THEMIS: variants seen among roughly 807,000 people sequenced by gnomAD.
THEMIS encodes protein THEMIS.
A neutral mutation model predicts 52.6 loss-of-function variants in THEMIS; 37 were observed. The observed-to-expected ratio is 0.70, with a 90% CI of 0.54 to 0.93. The LOEUF is 0.93. Ranked by LOEUF, THEMIS falls within the 40% of genes least tolerant of loss-of-function variation. The pLI, the probability that THEMIS is intolerant of heterozygous loss-of-function variation, is 0.00. For missense variants in THEMIS, 808 were observed against 763.1 expected, an observed-to-expected ratio of 1.06 and a Z score of -0.69; for synonymous variants, 292 against 272.7, an observed-to-expected ratio of 1.07 and a Z score of -0.70.
chr6:127,703,035 G>GT, the THEMIS span, among the ~76,000 whole-genome samples: 2,628 of 82,280 alleles, frequency 0.032, 712 homozygotes, highest in African/African-American at 0.058. Flanking sequence ...TTTAGAATGA[G>GT]TTTTTTTTTT....
chr6:127,744,608 C>A (rs1237714390), intron 4 of THEMIS, among the ~76,000 whole-genome samples: 1 of 151,934 alleles, frequency 6.6e-6, no homozygotes, highest in Non-Finnish European at 1.5e-5. Context: ...ATTCCACTTA[C>A]ATGAGGTATC....
intron 3 of THEMIS, among the ~76,000 whole-genome samples, chr6:127,817,620 G>C (rs756109154): frequency 1.3e-5 from 2 of 152,152 alleles, no homozygotes; most frequent in Non-Finnish European, 2.9e-5. Flanking sequence ...AGCAGATGCA[G>C]TGAAAATCAA....
At chr6:127,886,496 G>C (rs1780648146) in intron 1 of THEMIS, among the ~76,000 whole-genome samples, 1 of 152,118 alleles carries the variant, frequency 6.6e-6, no homozygotes, top group Non-Finnish European at 1.5e-5. Context: ...ATACCAGAAA[G>C]TTTATGCTAA....
intron 1 of THEMIS, among the ~76,000 whole-genome samples, chr6:127,917,093 C>G (rs978781409): frequency 3.9e-5 from 6 of 152,134 alleles, no homozygotes; most frequent in African/African-American, 1.2e-4. Context: ...ACCAAAAAAG[C>G]TTTTAAGAGT....
intron 4 of THEMIS, among the ~76,000 whole-genome samples, chr6:127,753,880 A>G (rs1405931683): frequency 3.3e-5 from 5 of 151,978 alleles, no homozygotes; most frequent in Admixed American, 1.3e-4. Flanking sequence ...AATTTCTAAG[A>G]GGATAGATCT....
chr6:127,891,660 C>G (rs1458689510), intron 1 of THEMIS, among the ~76,000 whole-genome samples: 2 of 152,032 alleles, frequency 1.3e-5, no homozygotes, highest in Non-Finnish European at 2.9e-5. Flanking sequence ...CAACTCTCCT[C>G]TAGATTATTG....
At chr6:127,908,807 T>C (rs1781340669) in intron 1 of THEMIS, among the ~76,000 whole-genome samples, 1 of 151,546 alleles carries the variant, frequency 6.6e-6, no homozygotes, top group Admixed American at 6.6e-5. Flanking sequence ...TTCTCTTTTC[T>C]CTTTTTTTTT....
chr6:127,854,245 A>G (rs964262372), intron 2 of THEMIS, among the ~76,000 whole-genome samples: 4 of 151,930 alleles, frequency 2.6e-5, no homozygotes, highest in East Asian at 1.9e-4. Context: ...AGCCATAGCC[A>G]TGCTCATTGG....
intron 4 of THEMIS, among the ~76,000 whole-genome samples, chr6:127,764,060 A>G (rs1362010334): frequency 6.6e-6 from 1 of 151,962 alleles, no homozygotes; most frequent in Admixed American, 6.6e-5. Context: ...ATTTATCCCA[A>G]GTTTAGAAAG....
chr6:127,733,196 T>C (rs925462881), intron 4 of THEMIS, among the ~76,000 whole-genome samples: 1 of 152,246 alleles, frequency 6.6e-6, no homozygotes, highest in African/African-American at 2.4e-5. Context: ...GTGCTATTTG[T>C]ATTTTTGTAT....
the THEMIS span, among the ~76,000 whole-genome samples, chr6:127,701,838 C>A: frequency 6.6e-6 from 1 of 152,222 alleles, no homozygotes; most frequent in Admixed American, 6.5e-5. Flanking sequence ...CGAATATCCT[C>A]TTTTATGAAG....
intron 2 of THEMIS, among the ~76,000 whole-genome samples, chr6:127,842,232 T>C (rs1023061734): frequency 2.0e-5 from 3 of 152,040 alleles, no homozygotes; most frequent in African/African-American, 7.2e-5. Flanking sequence ...AGATGAAAGA[T>C]TGATCATTTC....
intron 4 of THEMIS, among the ~76,000 whole-genome samples, chr6:127,779,004 A>G (rs1304671374): frequency 6.6e-6 from 1 of 152,156 alleles, no homozygotes. Context: ...TGCAGGATGT[A>G]CATAGTCAGT....
intron 3 of THEMIS, among the ~76,000 whole-genome samples, chr6:127,818,108 T>TG (rs1778198922): frequency 6.6e-6 from 1 of 152,134 alleles, no homozygotes; most frequent in Non-Finnish European, 1.5e-5. Context: ...ATATTCTATG[T>TG]GGGGAAAAAG....
chr6:127,874,987 C>T (rs1328602053), intron 1 of THEMIS, among the ~76,000 whole-genome samples: 4 of 152,216 alleles, frequency 2.6e-5, no homozygotes. Flanking sequence ...GCATTAGATT[C>T]TCCTAGGAGC....
At chr6:127,876,476 T>C (rs994246871) in intron 1 of THEMIS, among the ~76,000 whole-genome samples, 4 of 152,308 alleles carry the variant, frequency 2.6e-5, no homozygotes, top group Non-Finnish European at 5.9e-5. Flanking sequence ...TTTTCAACAA[T>C]TGTTTGCATA....
chr6:127,726,569 T>A (rs1774554586), intron 4 of THEMIS, among the ~76,000 whole-genome samples: 1 of 152,160 alleles, frequency 6.6e-6, no homozygotes, highest in Non-Finnish European at 1.5e-5. Context: ...AGTACTCATA[T>A]TTCAGATATA....
At chr6:127,873,070 C>T (rs748672595) in intron 1 of THEMIS, among the ~76,000 whole-genome samples, 13 of 152,090 alleles carry the variant, frequency 8.5e-5, no homozygotes, top group Non-Finnish European at 1.8e-4. Flanking sequence ...AATACTTAGT[C>T]ATCAGTGTAA....
chr6:127,862,398 C>T (rs1583367094), intron 1 of THEMIS, among the ~76,000 whole-genome samples: 1 of 139,720 alleles, frequency 7.2e-6, no homozygotes, highest in Non-Finnish European at 1.6e-5. Context: ...GTTCCAAAGC[C>T]ATAAGCAGGT....
Sources: allele counts gnomAD v4.1 joint callset (sites outside exome capture counted in the v4.1 genomes callset), GRCh38; gene constraint gnomAD v4.1.1; transcripts MANE v1.5; gene names NCBI Gene and HGNC (gene_info 2026-07-23, HGNC 2026-07-21).